Variants in UNC79 observed in about 807,000 individuals in gnomAD.
UNC79 encodes the protein unc-79 subunit of NALCN channel complex, also known as protein unc-79 homolog.
Under a neutral mutation model 283.1 loss-of-function variants are expected in UNC79, and 37 were observed. The ratio of observed to expected loss-of-function variants is 0.13; its 90% confidence interval spans 0.10 to 0.17. The LOEUF (loss-of-function observed/expected upper bound fraction) is 0.17. UNC79 is among the 10% of genes least tolerant of loss of function. The probability of loss-of-function intolerance (pLI) is 1.00; values close to 1 mark genes in which losing one functional copy is unlikely to be tolerated. For missense variants in UNC79, 2,272 were observed against 3,211.1 expected (o/e 0.71, Z 7.07); for synonymous variants, 1,107 against 1,200.2 (o/e 0.92, Z 1.61).
intron 47 of UNC79, among the ~76,000 whole-genome samples, chr14:93,695,087 G>A (rs2074996589): frequency 6.6e-6 from 1 of 152,116 alleles, no homozygotes; most frequent in South Asian, 2.1e-4. Flanking sequence ...TTCCCACTCC[G>A]TTTATCTTTC....
chr14:93,643,802 G>A (rs978613686), intron 34 of UNC79, 105 bp downstream of exon 37: 2 of 1,478,896 alleles, frequency 1.4e-6, no homozygotes, highest in East Asian at 2.3e-5. Context: ...CCACCTTGTA[G>A]ATACTGGTAT....
intron 1 of UNC79, among the ~76,000 whole-genome samples, chr14:93,346,190 A>G (rs1233611391): frequency 6.6e-6 from 1 of 152,120 alleles, no homozygotes; most frequent in African/African-American, 2.4e-5. Context: ...GAAATCTAAG[A>G]AAGAGGAAGA....
At chr14:93,377,092 GTTTCT>G (rs1661389755) in intron 1 of UNC79, among the ~76,000 whole-genome samples, 1 of 115,820 alleles carries the variant, frequency 8.6e-6, no homozygotes, top group African/African-American at 3.5e-5. Flanking sequence ...GAGAATAGTT[GTTTCT>G]TTTTTTTTTT....
intron 23 of UNC79, among the ~76,000 whole-genome samples, chr14:93,595,884 C>T (rs1172893767): frequency 6.6e-6 from 1 of 152,126 alleles, no homozygotes; most frequent in Admixed American, 6.6e-5. Flanking sequence ...CTTCTATCTC[C>T]TCCCAAGTGC....
At position 93,430,987 on chromosome 14, in the gene UNC79, C is replaced by A. The variant is rs1011613553; in HGVS notation, c.-43C>A. 2.9e-6 allele frequency: 2 copies of A among 701,284 alleles called. No individual in the cohort carries two copies. The highest frequency in any genetic ancestry group is 2.3e-4 in the Middle Eastern group (1 of 4,362). The allele number at this position is 701,284 out of a possible 1,614,324, so 43.4% of individuals were successfully genotyped here. A position where few individuals can be genotyped will look rare whatever the true frequency, so the allele number is the denominator to read the frequency against. ...CGCTGGCGGAGCGAGGGAGCTCACA[C>A]GACACAGATTTTGGGGCAAAGCCTT... On this transcript the variant is annotated 5_prime_UTR_variant, in exon 1 of 49. Coordinates refer to ENST00000555664, the Ensembl canonical transcript of UNC79. The surrounding 1 kb of genome is among the most constrained non-coding windows in gnomAD (Gnocchi z 4.6).
intron 1 of UNC79, among the ~76,000 whole-genome samples, chr14:93,448,193 C>A (rs1289557399): frequency 7.4e-6 from 1 of 134,252 alleles, no homozygotes; most frequent in Non-Finnish European, 1.6e-5. Flanking sequence ...TTTTTTAAAT[C>A]GTTTCTCTCC....
intron 1 of UNC79, among the ~76,000 whole-genome samples, chr14:93,388,888 C>T (rs1479377472): frequency 6.6e-6 from 1 of 152,128 alleles, no homozygotes; most frequent in Non-Finnish European, 1.5e-5. Context: ...ATTGATCAAT[C>T]ATTTTGTGTT....
intron 2 of UNC79, among the ~76,000 whole-genome samples, chr14:93,470,844 T>G (rs1190165370): frequency 6.6e-6 from 1 of 151,956 alleles, no homozygotes; most frequent in Non-Finnish European, 1.5e-5. Context: ...TGGGAGGGAG[T>G]CTGTTCTTTT....
intron 31 of UNC79, among the ~76,000 whole-genome samples, chr14:93,631,634 A>G (rs187441752): frequency 2.0e-5 from 3 of 152,368 alleles, no homozygotes; most frequent in East Asian, 1.9e-4. Flanking sequence ...GTGCTGATAA[A>G]TGTTGTGTTC....
At chr14:93,662,634 A>G (rs1566883023) in exon 40 of UNC79, 2 of 1,610,172 alleles carry the variant, frequency 1.2e-6, no homozygotes, top group East Asian at 2.2e-5. Context: ...AAAACTGCTC[A>G]GCTTTGTAAT....
chr14:93,682,691 T>C (rs758486062), exon 42 of UNC79: 3 of 1,613,976 alleles, frequency 1.9e-6, no homozygotes, highest in Non-Finnish European at 8.5e-7. Flanking sequence ...CCTCTGTACC[T>C]GGAGTAAGTC....
At chr14:93,497,349 C>G in intron 7 of UNC79, 63 bp downstream of exon 7, 1 of 1,529,826 alleles carries the variant, frequency 6.5e-7, no homozygotes, top group Non-Finnish European at 8.7e-7. Context: ...CTGGCCTCAC[C>G]TACTTATACA....
intron 7 of UNC79, among the ~76,000 whole-genome samples, chr14:93,510,088 G>A (rs2059748492): frequency 6.6e-6 from 1 of 152,200 alleles, no homozygotes; most frequent in Non-Finnish European, 1.5e-5. Flanking sequence ...TGCACTCTCT[G>A]GAGCAGTGGT....
chr14:93,562,692 C>T (rs1442486961), intron 14 of UNC79, among the ~76,000 whole-genome samples: 3 of 152,116 alleles, frequency 2.0e-5, no homozygotes, highest in South Asian at 2.1e-4. Context: ...GGTCCATTAT[C>T]GGACTCTATA....
intron 9 of UNC79, 137 bp from the exon 10 acceptor site, chr14:93,529,149 G>A: frequency 2.6e-6 from 2 of 776,334 alleles, no homozygotes; most frequent in Non-Finnish European, 4.1e-6. Context: ...CATTTTAAGA[G>A]TTTATTATGA....
intron 7 of UNC79, among the ~76,000 whole-genome samples, chr14:93,519,386 T>C (rs967835536): frequency 6.6e-6 from 1 of 151,838 alleles, no homozygotes; most frequent in African/African-American, 2.4e-5. Flanking sequence ...TTCTAGCTTA[T>C]CTGAGCCTTT....
intron 7 of UNC79, among the ~76,000 whole-genome samples, chr14:93,511,220 C>T (rs2059808653): frequency 1.3e-5 from 2 of 152,118 alleles, no homozygotes; most frequent in South Asian, 4.1e-4. Context: ...CACTGGGCTG[C>T]TCCTCCAACA....
intron 1 of UNC79, among the ~76,000 whole-genome samples, chr14:93,397,590 T>C (rs533906466): frequency 1.3e-5 from 2 of 152,278 alleles, no homozygotes; most frequent in South Asian, 2.1e-4. Context: ...TTCCTGCCTG[T>C]AATCCTAGCT....
Position 93,688,625 on chromosome 14 carries a change from G to C in UNC79, c.6910-40G>C, listed in dbSNP as rs774287461. ...CAAAGAATGGCCTGGAATGAATCCA[G>C]GTGTCTGCCAGAGTTACAAAATACC... On this transcript the variant is annotated intron_variant, in intron 43 of 48. Transcript: ENST00000555664. The surrounding 1 kb of genome is among the most constrained non-coding windows in gnomAD (Gnocchi z 4.0). The C allele has an allele frequency of 4.4e-5, 71 of 1,595,916 alleles. No homozygotes were observed. Among genetic ancestry groups the C allele is most frequent in the Non-Finnish European group, 5.6e-5 (66 of 1,169,298 alleles).
Sources: allele counts gnomAD v4.1 joint callset (sites outside exome capture counted in the v4.1 genomes callset), GRCh38; gene constraint gnomAD v4.1.1; non-coding constraint Gnocchi (gnomAD v3.1); transcripts MANE v1.5; gene names NCBI Gene and HGNC (gene_info 2026-07-23, HGNC 2026-07-21).